Variants in RBM33 observed in about 807,000 individuals in gnomAD.
RBM33 encodes RNA-binding protein 33.
Under a neutral mutation model 132.6 loss-of-function variants are expected in RBM33, and 28 were observed. The observed-to-expected ratio is 0.21, with a 90% CI of 0.16 to 0.29. The LOEUF is 0.29. Ranked by LOEUF, RBM33 falls within the 10% of genes least tolerant of loss-of-function variation. The probability of loss-of-function intolerance (pLI) is 1.00; values close to 1 mark genes in which losing one functional copy is unlikely to be tolerated. For synonymous variants in RBM33, 634 were observed against 593.0 expected (o/e 1.07, Z -1.01); for missense variants, 1,291 against 1,518.5 (o/e 0.85, Z 2.49).
chr7:155,652,458 A>G (rs1207287561), intron 1 of RBM33, among the ~76,000 whole-genome samples: 2 of 152,222 alleles, frequency 1.3e-5, no homozygotes, highest in Non-Finnish European at 2.9e-5. Flanking sequence ...TGACCCTTAG[A>G]TTAGATAATT....
chr7:155,660,889 A>G (rs1032149645), intron 1 of RBM33, among the ~76,000 whole-genome samples: 11 of 151,566 alleles, frequency 7.3e-5, no homozygotes, highest in Non-Finnish European at 1.6e-4. Flanking sequence ...GTGCCTCCTG[A>G]TGGCCCCACA....
intron 14 of RBM33, among the ~76,000 whole-genome samples, chr7:155,755,531 C>T (rs1249028839): frequency 6.6e-6 from 1 of 152,148 alleles, no homozygotes; most frequent in Admixed American, 6.5e-5. Flanking sequence ...GCCACAAAGG[C>T]TGAGAAAAAT....
chr7:155,724,816 G>A (rs1486969973), intron 9 of RBM33, among the ~76,000 whole-genome samples: 4 of 152,120 alleles, frequency 2.6e-5, no homozygotes, highest in South Asian at 2.1e-4. Flanking sequence ...AGTATAACGC[G>A]TTTGAGATTC....
intron 5 of RBM33, among the ~76,000 whole-genome samples, chr7:155,690,053 T>C (rs1442711982): frequency 6.6e-6 from 1 of 152,190 alleles, no homozygotes; most frequent in Non-Finnish European, 1.5e-5. Flanking sequence ...TTGATCTGTC[T>C]GATGTTGACA....
intron 5 of RBM33, among the ~76,000 whole-genome samples, chr7:155,697,196 A>G (rs1585451403): frequency 6.6e-6 from 1 of 152,286 alleles, no homozygotes; most frequent in East Asian, 1.9e-4. Flanking sequence ...CTGGAGGAGG[A>G]GGAGGAGGAG....
chr7:155,760,863 C>T (rs1284749058), intron 14 of RBM33, among the ~76,000 whole-genome samples: 1 of 152,194 alleles, frequency 6.6e-6, no homozygotes, highest in Admixed American at 6.5e-5. Context: ...CACAAACTAC[C>T]AGCCTGACTT....
At chr7:155,697,083 C>G (rs1345935044) in intron 5 of RBM33, among the ~76,000 whole-genome samples, 3 of 152,170 alleles carry the variant, frequency 2.0e-5, no homozygotes, top group African/African-American at 4.8e-5. Flanking sequence ...ATGTTGCTTT[C>G]TCTTTCCTTA....
Position 155,739,993 on chromosome 7 carries a change from G to A in RBM33, c.2016G>A (p.Arg672=). The change falls in exon 12 of 18, where the codon CGG becomes CGA. Residue 672 remains arginine, a synonymous_variant. Coordinates refer to ENST00000401878, the MANE Select transcript of RBM33 (RefSeq NM_053043.3). ...CTCAGCCTCAGGCCAGCAGCAGCCG[G>A]ATGCAGTGCCCCCAGCGCCAGGGGC... ...QTAQPQASSS[R]MQCPQRQGLR... The A allele has an allele frequency of 1.3e-6, 2 of 1,565,368 alleles. No individual in the cohort carries two copies.
At chr7:155,681,597 G>A (rs527864484) in intron 5 of RBM33, among the ~76,000 whole-genome samples, 3 of 152,030 alleles carry the variant, frequency 2.0e-5, no homozygotes, top group South Asian at 2.1e-4. Flanking sequence ...AGCATGTAAC[G>A]AAATTTATGA....
intron 3 of RBM33, among the ~76,000 whole-genome samples, chr7:155,676,528 T>G (rs916720810): frequency 4.6e-5 from 7 of 152,354 alleles, no homozygotes; most frequent in African/African-American, 1.7e-4. Flanking sequence ...TTGGGAGTAT[T>G]GGAGAGAACC....
intron 12 of RBM33, 83 bp from the exon 13 acceptor site, chr7:155,741,736 G>A: frequency 7.8e-7 from 1 of 1,278,506 alleles, no homozygotes; most frequent in Admixed American, 2.2e-5. Context: ...GATTTATTGT[G>A]TTTTTATTTA....
In RBM33 at chr7:155,707,189, G is replaced by C. The variant is rs1397360550; in HGVS notation, c.948+121G>C. The C allele has an allele frequency of 4.4e-6, 4 of 899,610 alleles. No homozygotes were observed. In the East Asian group the frequency reaches 7.9e-5, roughly 18 times the overall value. 55.7% of individuals were successfully genotyped at this position (899,610 alleles called of 1,614,324 possible). A position where few individuals can be genotyped will look rare whatever the true frequency, so the allele number is the denominator to read the frequency against. On this transcript the variant is annotated intron_variant, in intron 7 of 17. Coordinates refer to ENST00000401878, the MANE Select transcript of RBM33 (RefSeq NM_053043.3). ...CTGAAATGAAAGGTTAGTAGCAGGG[G>C]TAATGGCTGAAGTTTCTGCTTTATA...
At chr7:155,661,787 C>A (rs2116885443) in intron 1 of RBM33, among the ~76,000 whole-genome samples, 1 of 152,180 alleles carries the variant, frequency 6.6e-6, no homozygotes, top group African/African-American at 2.4e-5. Flanking sequence ...TCATTTAATT[C>A]TTTGAACATA....
Position 155,776,604 on chromosome 7 carries a change from G to A in RBM33, c.*1563G>A, listed in dbSNP as rs1372585889. 1 of 152,248 alleles carries A rather than the reference G, an allele frequency of 6.6e-6. No homozygotes were observed. The highest frequency in any genetic ancestry group is 6.5e-5 in the Admixed American group (1 of 15,284). 9.4% of individuals were successfully genotyped at this position (152,248 alleles called of 1,614,324 possible). On this transcript the variant is annotated 3_prime_UTR_variant, in exon 18 of 18. Transcript: ENST00000401878. This position sits in a 1 kb window ranked among gnomAD's most constrained non-coding sequence, Gnocchi z 4.0. ...AGTGGCGTTTGCTGTGTGCTTGAGA[G>A]TAACACTGCACGCTGCAGGGGCTGT...
At chr7:155,742,867 G>A (rs750471432) in intron 13 of RBM33, among the ~76,000 whole-genome samples, 8 of 152,356 alleles carry the variant, frequency 5.3e-5, no homozygotes, top group East Asian at 1.9e-4. Flanking sequence ...GGCCTGTGCA[G>A]AAGGCTGGCA....
At position 155,741,968 on chromosome 7, in the gene RBM33, A is replaced by C. The variant is rs755821589; in HGVS notation, c.2199A>C (p.Gln733His). Residue 733 changes from glutamine to histidine, a missense_variant, in exon 13 of 18, where the codon CAA (glutamine) becomes CAC (histidine). Transcript: ENST00000401878. Reference sequence around the variant, plus strand: ...GCTGCTCTGCCACGCCCTCAGCACAAGTGAAACCTATCGTCAGCGCGTCAC... The same window carrying C: ...GCTGCTCTGCCACGCCCTCAGCACACGTGAAACCTATCGTCAGCGCGTCAC... ...SSRCSATPSA[Q>H]VKPIVSASPP... 5.0e-6 allele frequency: 8 copies of C among 1,614,010 alleles called. No individual in the cohort carries two copies. In the South Asian group the frequency reaches 8.8e-5, roughly 18 times the overall value.
intron 16 of RBM33, among the ~76,000 whole-genome samples, chr7:155,773,107 C>A (rs1367612298): frequency 6.6e-6 from 1 of 152,192 alleles, no homozygotes; most frequent in African/African-American, 2.4e-5. Flanking sequence ...TTCAAGGGAT[C>A]ATGTGCTGGT....
chr7:155,657,714 G>GATTGAA (rs1798530669), intron 1 of RBM33, among the ~76,000 whole-genome samples: 3 of 152,196 alleles, frequency 2.0e-5, no homozygotes, highest in African/African-American at 4.8e-5. Flanking sequence ...GGATGATTGT[G>GATTGAA]ATTAAGTACT....
intron 5 of RBM33, among the ~76,000 whole-genome samples, chr7:155,690,173 G>C (rs941690531): frequency 1.2e-4 from 18 of 152,132 alleles, no homozygotes; most frequent in Non-Finnish European, 1.3e-4. Context: ...GTGCACATAT[G>C]TGTAGGATAG....
Sources: gnomAD v4.1 joint callset for allele counts (sites outside exome capture counted in the v4.1 genomes callset) on GRCh38, gnomAD v4.1.1 for gene constraint, Gnocchi (gnomAD v3.1) non-coding constraint, MANE v1.5 for transcripts, NCBI Gene and HGNC (gene_info 2026-07-23, HGNC 2026-07-21) for gene names.